The following CAST variants were observed in gnomAD, a reference collection of about 807,000 sequenced individuals.
The protein encoded by CAST is calpastatin, also known as MIR583 host.
Under a neutral mutation model 119.6 loss-of-function variants are expected in CAST, and 76 were observed. The ratio of observed to expected loss-of-function variants is 0.64; its 90% CI spans 0.53 to 0.77. The LOEUF is 0.77. Among genes scored for constraint, CAST ranks in the 30% least tolerant of loss-of-function variants. The pLI is 0.00. For synonymous variants in CAST, 319 were observed against 331.6 expected (o/e 0.96, Z 0.41); for missense variants, 953 against 946.5 (o/e 1.01, Z -0.09).
chr5:96,226,533 T>C, the CAST span, among the ~76,000 whole-genome samples: 1 of 152,062 alleles, frequency 6.6e-6, no homozygotes, highest in African/African-American at 2.4e-5. Flanking sequence ...GGCACGTGCC[T>C]GTAGTCCCAG....
the CAST span, among the ~76,000 whole-genome samples, chr5:96,098,061 T>G: frequency 6.6e-6 from 1 of 152,264 alleles, no homozygotes; most frequent in Non-Finnish European, 1.5e-5. Flanking sequence ...TGGTTTTGAT[T>G]TGCATTTCTC....
chr5:96,357,859 A>T, the CAST span, among the ~76,000 whole-genome samples: 4 of 152,178 alleles, frequency 2.6e-5, no homozygotes, highest in Non-Finnish European at 5.9e-5. Context: ...TGAGTTAGAT[A>T]GGAGTCTCTC....
At chr5:96,343,626 A>C in the CAST span, among the ~76,000 whole-genome samples, 2 of 152,206 alleles carry the variant, frequency 1.3e-5, no homozygotes, top group African/African-American at 4.8e-5. Context: ...TAACTTCCTA[A>C]GCATTGCAAC....
chr5:96,030,211 A>G, the CAST span, among the ~76,000 whole-genome samples: 1 of 152,198 alleles, frequency 6.6e-6, no homozygotes, highest in Non-Finnish European at 1.5e-5. Context: ...GATTTTCAGA[A>G]ATGTGAAACC....
the CAST span, among the ~76,000 whole-genome samples, chr5:96,135,658 C>A: frequency 1.3e-5 from 2 of 152,100 alleles, no homozygotes; most frequent in Non-Finnish European, 2.9e-5. Flanking sequence ...TTCCCAAGGG[C>A]TTAGGATCTC....
Position 96,725,124 on chromosome 5 carries a change from G to T in CAST, c.271-1670G>T, listed in dbSNP as rs141012502. Among the ~76,000 whole-genome samples, 1,154 of 152,204 alleles carry T rather than the reference G, an allele frequency of 7.6e-3. 18 individuals carry two copies. The highest frequency in any genetic ancestry group is 0.024 in the African/African-American group (991 of 41,524). ...TGGAGGAAAGTAGGAGAGAGAAGAG[G>T]GGGAGAGACAAAAATAAGATGCACG... On this transcript the variant is annotated intron_variant, in intron 4 of 31. Transcript: ENST00000675179.
the CAST span, among the ~76,000 whole-genome samples, chr5:96,305,626 C>G: frequency 2.4e-3 from 369 of 152,234 alleles, 1 homozygote; most frequent in Non-Finnish European, 3.7e-3. Flanking sequence ...GAGATACCTT[C>G]CATCGATACC....
the CAST span, among the ~76,000 whole-genome samples, chr5:96,462,089 T>A: frequency 1.2e-4 from 18 of 152,094 alleles, no homozygotes; most frequent in Non-Finnish European, 2.2e-4. Context: ...ACTGTACCCA[T>A]CCCTGTTCCC....
the CAST span, among the ~76,000 whole-genome samples, chr5:96,349,034 G>C: frequency 6.6e-6 from 1 of 151,464 alleles, no homozygotes; most frequent in East Asian, 1.9e-4. Flanking sequence ...CAGGGATTAA[G>C]TCAGGAAGGA....
the CAST span, among the ~76,000 whole-genome samples, chr5:96,192,999 A>G: frequency 1.3e-5 from 2 of 152,234 alleles, no homozygotes; most frequent in South Asian, 2.1e-4. Context: ...TATAGGAGGT[A>G]GATAGTAGAT....
chr5:96,630,817 C>T (rs1747807147), intron 1 of CAST: 1 of 141,028 alleles, frequency 7.1e-6, no homozygotes, highest in East Asian at 2.0e-4. Flanking sequence ...GTATCATACT[C>T]GAAAGAAAGA....
chr5:96,705,322 A>AAT (rs938724733), intron 3 of CAST, among the ~76,000 whole-genome samples: 24 of 152,128 alleles, frequency 1.6e-4, no homozygotes, highest in Non-Finnish European at 2.5e-4. Flanking sequence ...GTGTCAAAAA[A>AAT]ATATATATAT....
the CAST span, among the ~76,000 whole-genome samples, chr5:96,214,685 A>G: frequency 1.3e-5 from 2 of 152,128 alleles, no homozygotes; most frequent in Non-Finnish European, 2.9e-5. Context: ...GAAAATTAAA[A>G]CGTAAAAACA....
At chr5:96,093,773 G>T in the CAST span, among the ~76,000 whole-genome samples, 338 of 152,280 alleles carry the variant, frequency 2.2e-3, no homozygotes, top group African/African-American at 7.7e-3. Flanking sequence ...TAGAAAAGAA[G>T]AAGAAACTAT....
the CAST span, among the ~76,000 whole-genome samples, chr5:96,231,596 A>G: frequency 6.6e-6 from 1 of 152,140 alleles, no homozygotes; most frequent in South Asian, 2.1e-4. Context: ...AATATTCTAA[A>G]TACCATTGGA....
At chr5:96,008,027 T>C in the CAST span, among the ~76,000 whole-genome samples, 1 of 151,010 alleles carries the variant, frequency 6.6e-6, no homozygotes, top group African/African-American at 2.4e-5. Flanking sequence ...GGTGGCTGTC[T>C]ACAAGCCAGA....
chr5:96,133,073 G>T, the CAST span, among the ~76,000 whole-genome samples: 1 of 152,148 alleles, frequency 6.6e-6, no homozygotes, highest in Non-Finnish European at 1.5e-5. Flanking sequence ...GTCACATGAA[G>T]GGTACATCTT....
intron 1 of CAST, among the ~76,000 whole-genome samples, chr5:96,599,974 A>AAAAAAAAAAAAAAAACAAAAC (rs1460109288): frequency 8.0e-6 from 1 of 125,674 alleles, no homozygotes. Flanking sequence ...GGCAAAAAAA[A>AAAAAAAAAAAAAAAACAAAAC]AAAAAAAAAC....
chr5:96,561,635 A>C (rs1746363598), intron 1 of CAST, among the ~76,000 whole-genome samples: 1 of 151,992 alleles, frequency 6.6e-6, no homozygotes, highest in African/African-American at 2.4e-5. Flanking sequence ...TGGGTGCAGC[A>C]AACCACCATG....
Sources: allele counts gnomAD v4.1 joint callset (sites outside exome capture counted in the v4.1 genomes callset), GRCh38; gene constraint gnomAD v4.1.1; transcripts MANE v1.5; gene names NCBI Gene and HGNC (gene_info 2026-07-23, HGNC 2026-07-21).